Variants in SH3RF3 observed in about 807,000 individuals in gnomAD.
SH3RF3 encodes the protein SH3 domain containing ring finger 3.
Under a neutral mutation model 66.3 loss-of-function variants are expected in SH3RF3, and 29 were observed. The ratio of observed to expected loss-of-function variants is 0.44; its 90% CI spans 0.33 to 0.60. The LOEUF (loss-of-function observed/expected upper bound fraction) is 0.60. SH3RF3 is among the 20% of genes least tolerant of loss of function. The probability of loss-of-function intolerance (pLI) is 0.04; values close to 1 mark genes in which losing one functional copy is unlikely to be tolerated. For synonymous variants in SH3RF3, 583 were observed against 532.0 expected (o/e 1.10, Z -1.32); for missense variants, 1,194 against 1,190.9 (o/e 1.00, Z -0.04).
chr2:109,481,141 G>A (rs1678824772), intron 8 of SH3RF3, among the ~76,000 whole-genome samples: 1 of 152,230 alleles, frequency 6.6e-6, no homozygotes, highest in Non-Finnish European at 1.5e-5. Context: ...CCTAAGACGT[G>A]TCAAGAAATC....
chr2:109,474,662 G>T (rs1678630205), intron 8 of SH3RF3, among the ~76,000 whole-genome samples: 1 of 152,230 alleles, frequency 6.6e-6, no homozygotes, highest in East Asian at 1.9e-4. Flanking sequence ...GTCTGCCCTG[G>T]ACAGCATCGG....
At chr2:109,178,228 A>G (rs993236204) in intron 1 of SH3RF3, among the ~76,000 whole-genome samples, 1 of 152,212 alleles carries the variant, frequency 6.6e-6, no homozygotes, top group African/African-American at 2.4e-5. Context: ...TTGCAGAGTC[A>G]TATTCTATAA....
chr2:109,462,594 G>C (rs943996659), intron 8 of SH3RF3, among the ~76,000 whole-genome samples: 3 of 152,138 alleles, frequency 2.0e-5, no homozygotes, highest in Non-Finnish European at 4.4e-5. Context: ...AGTACCTCTA[G>C]GAATGCATAT....
At chr2:109,364,119 GC>G (rs1263194759) in intron 2 of SH3RF3, among the ~76,000 whole-genome samples, 1 of 148,338 alleles carries the variant, frequency 6.7e-6, no homozygotes, top group Non-Finnish European at 1.5e-5. Flanking sequence ...CACAATTCTT[GC>G]TTTGAAGTTG....
intron 1 of SH3RF3, among the ~76,000 whole-genome samples, chr2:109,157,100 C>G (rs1037897078): frequency 2.0e-5 from 3 of 152,172 alleles, no homozygotes; most frequent in African/African-American, 7.2e-5. Flanking sequence ...AGGCTCATAG[C>G]ACCCCACAGG....
chr2:109,326,500 G>GCA (rs1250655142), intron 1 of SH3RF3, among the ~76,000 whole-genome samples: 1 of 152,132 alleles, frequency 6.6e-6, no homozygotes, highest in Non-Finnish European at 1.5e-5. Flanking sequence ...CGCCCTTGCC[G>GCA]ACACTTGCTG....
intron 2 of SH3RF3, among the ~76,000 whole-genome samples, chr2:109,370,654 G>A (rs994221927): frequency 7.9e-5 from 12 of 151,686 alleles, no homozygotes; most frequent in African/African-American, 2.9e-4. Flanking sequence ...TTTCTCACCC[G>A]CCCTGCCATT....
At chr2:109,423,765 G>A (rs1027708780) in intron 5 of SH3RF3, among the ~76,000 whole-genome samples, 5 of 152,134 alleles carry the variant, frequency 3.3e-5, no homozygotes, top group South Asian at 2.1e-4. Flanking sequence ...TGGCGGCACC[G>A]TCCTCAGGAT....
intron 2 of SH3RF3, among the ~76,000 whole-genome samples, chr2:109,368,712 A>G (rs2105666208): frequency 6.7e-6 from 1 of 150,058 alleles, no homozygotes; most frequent in Non-Finnish European, 1.5e-5. Flanking sequence ...TTTCTTTAAA[A>G]AAAAAAAAAA....
chr2:109,286,914 AT>A (rs1681041805), intron 1 of SH3RF3, among the ~76,000 whole-genome samples: 1 of 152,172 alleles, frequency 6.6e-6, no homozygotes, highest in Non-Finnish European at 1.5e-5. Context: ...GTGAGTCTGC[AT>A]CTGAAAAGAC....
intron 1 of SH3RF3, among the ~76,000 whole-genome samples, chr2:109,336,083 C>T (rs944767427): frequency 5.3e-5 from 8 of 152,174 alleles, no homozygotes; most frequent in Admixed American, 5.2e-4. Flanking sequence ...TTTGAAAATT[C>T]AGGCAGGCCT....
rs966510897 is a variant in SH3RF3, at chr2:109,497,333, C to T, written c.2481-4170C>T. 2.0e-5 allele frequency among the ~76,000 whole-genome samples: 3 copies of T among 152,320 alleles called. No individual in the cohort carries two copies. The South Asian group carries it at 6.2e-4, about 32-fold the overall frequency. ...AGCAAGTGCTCTGAAAAGGCTACCACATGGAGGGCCACTTTGCAGACTCTG... is the reference window on the plus strand; with the variant it reads ...AGCAAGTGCTCTGAAAAGGCTACCATATGGAGGGCCACTTTGCAGACTCTG... On this transcript the variant is annotated intron_variant, in intron 9 of 9. Coordinates refer to ENST00000309415, the MANE Select transcript of SH3RF3 (RefSeq NM_001099289.3).
chr2:109,403,417 T>C (rs1367367000), intron 4 of SH3RF3, among the ~76,000 whole-genome samples: 1 of 152,220 alleles, frequency 6.6e-6, no homozygotes, highest in Non-Finnish European at 1.5e-5. Context: ...ACTTCAGAGA[T>C]GAGGAAGCCG....
intron 7 of SH3RF3, among the ~76,000 whole-genome samples, chr2:109,444,501 A>G (rs1013885645): frequency 3.3e-5 from 5 of 152,154 alleles, no homozygotes; most frequent in Non-Finnish European, 5.9e-5. Context: ...GCCAGTTCTA[A>G]AAATTCCATC....
intron 9 of SH3RF3, among the ~76,000 whole-genome samples, chr2:109,498,770 T>G (rs894637215): frequency 2.6e-5 from 4 of 152,154 alleles, no homozygotes; most frequent in Admixed American, 2.0e-4. Context: ...TGCAGACTGG[T>G]GCAGGAGGCA....
intron 1 of SH3RF3, among the ~76,000 whole-genome samples, chr2:109,232,358 A>G (rs1288449541): frequency 6.6e-6 from 1 of 152,242 alleles, no homozygotes; most frequent in Non-Finnish European, 1.5e-5. Context: ...AGTTGCTAAA[A>G]GTATAAATAT....
chr2:109,287,527 A>T (rs554079996), intron 1 of SH3RF3, among the ~76,000 whole-genome samples: 15 of 152,268 alleles, frequency 9.9e-5, no homozygotes, highest in Admixed American at 9.1e-4. Context: ...GGTGACTTCC[A>T]TGCACCCTGC....
chr2:109,472,339 G>A (rs72949160), intron 8 of SH3RF3, among the ~76,000 whole-genome samples: 11,897 of 152,074 alleles, frequency 0.078, 1,067 homozygotes, highest in African/African-American at 0.21. Flanking sequence ...CTGCACTCTC[G>A]GTGGTCTCGG....
At chr2:109,374,985 G>A (rs1363867475) in intron 3 of SH3RF3, among the ~76,000 whole-genome samples, 3 of 152,242 alleles carry the variant, frequency 2.0e-5, no homozygotes, top group Non-Finnish European at 2.9e-5. Context: ...TGAGCTGAAG[G>A]GCACACACCT....
Sources: allele counts gnomAD v4.1 joint callset (sites outside exome capture counted in the v4.1 genomes callset), GRCh38; gene constraint gnomAD v4.1.1; transcripts MANE v1.5; gene names NCBI Gene and HGNC (gene_info 2026-07-23, HGNC 2026-07-21).